NHSL1: variants seen among roughly 807,000 people sequenced by gnomAD.
The protein encoded by NHSL1 is NHS-like protein 1.
NHSL1 carries 48 observed loss-of-function variants against 95.0 expected under a neutral mutation model. The ratio of observed to expected loss-of-function variants is 0.51; its 90% confidence interval spans 0.40 to 0.64. The LOEUF is 0.64. Among genes scored for constraint, NHSL1 ranks in the 30% least tolerant of loss-of-function variants. The pLI is 0.00. For synonymous variants in NHSL1, 783 were observed against 833.9 expected (o/e 0.94, Z 1.05); for missense variants, 1,971 against 2,077.7 (o/e 0.95, Z 1.00).
At chr6:138,677,762 C>T (rs758412510) in intron 1 of NHSL1, among the ~76,000 whole-genome samples, 1 of 152,154 alleles carries the variant, frequency 6.6e-6, no homozygotes, top group African/African-American at 2.4e-5. Context: ...CAAACTGCTG[C>T]GTGTGTTAGA....
chr6:138,473,193 A>C, intron 3 of NHSL1, 113 bp downstream of exon 3: 1 of 941,146 alleles, frequency 1.1e-6, no homozygotes, highest in Non-Finnish European at 1.4e-6. Flanking sequence ...CACTTGAGAC[A>C]ATACTATTGA....
chr6:138,549,973 C>T (rs1782938786), upstream of NHSL1, among the ~76,000 whole-genome samples: 1 of 152,174 alleles, frequency 6.6e-6, no homozygotes, highest in South Asian at 2.1e-4. Context: ...GGCACAGTGG[C>T]TCATGCCTAT....
chr6:138,605,957 CACTTA>C (rs1254609905), intron 1 of NHSL1, among the ~76,000 whole-genome samples: 1 of 152,208 alleles, frequency 6.6e-6, no homozygotes, highest in African/African-American at 2.4e-5. Context: ...TTGAACAGCT[CACTTA>C]ACTTCTCTGA....
chr6:138,437,827 T>C (rs1279918375), intron 5 of NHSL1, among the ~76,000 whole-genome samples: 1 of 152,276 alleles, frequency 6.6e-6, no homozygotes, highest in Non-Finnish European at 1.5e-5. Context: ...CCAGATGTGG[T>C]AGAAACAGCA....
exon 1 of NHSL1, chr6:138,545,655 G>T: frequency 7.8e-7 from 1 of 1,289,322 alleles, no homozygotes; most frequent in Non-Finnish European, 1.0e-6. Flanking sequence ...GCAGTTCCAT[G>T]GAGGGGCTGT....
Position 138,432,326 on chromosome 6 carries a change from C to T in NHSL1, c.2019G>A (p.Leu673=), listed in dbSNP as rs1455975659. ...GGAGGGAGTCTGTCCGGGAGGGTGG[C>T]AGGGGAGGCTTCTTTGCTTTCTTCA... is the stretch of plus-strand genomic sequence containing the variant. ...ISLKKAKKPP[L]PPSRTDSLRR... The change falls in exon 6 of 8, where the codon CTG becomes CTA. Residue 673 remains leucine, a synonymous_variant. Coordinates refer to ENST00000343505, the MANE Select transcript of NHSL1 (RefSeq NM_001144060.2). This position sits in a 1 kb window ranked among gnomAD's most constrained non-coding sequence, Gnocchi z 4.4. The T allele has an allele frequency of 3.9e-6, 6 of 1,551,580 alleles. No homozygotes were observed. The highest frequency in any genetic ancestry group is 5.2e-6 in the Non-Finnish European group (6 of 1,147,006).
At chr6:138,682,460 C>T (rs1370276458) in intron 1 of NHSL1, among the ~76,000 whole-genome samples, 1 of 152,048 alleles carries the variant, frequency 6.6e-6, no homozygotes, top group Non-Finnish European at 1.5e-5. Flanking sequence ...TTTAAATTGG[C>T]GATTTGGAAT....
At chr6:138,545,695 T>C in exon 1 of NHSL1, 2 of 1,286,148 alleles carry the variant, frequency 1.6e-6, no homozygotes, top group Middle Eastern at 2.1e-4. Context: ...CCTGCAGTGC[T>C]AGGCACAGCT....
At chr6:138,449,630 T>C (rs1487617767) in intron 3 of NHSL1, among the ~76,000 whole-genome samples, 4 of 152,002 alleles carry the variant, frequency 2.6e-5, no homozygotes, top group African/African-American at 9.7e-5. Flanking sequence ...TGAGCTGAGG[T>C]TGCGCCACTG....
rs59461892 is a variant in NHSL1 at position 138,458,828 on chromosome 6, CAA to C, written c.340-11637_340-11636del. Reference sequence around the variant, plus strand: ...CAACAGAGTACGTGAAAATCTGTCTCAAAAAAAAAAAAACAAAAAAAAAAACC... The same window carrying C: ...CAACAGAGTACGTGAAAATCTGTCTCAAAAAAAAAAACAAAAAAAAAAACC... On this transcript the variant is annotated intron_variant, in intron 3 of 7. Transcript: ENST00000343505. Among the ~76,000 whole-genome samples, 590 of 124,210 alleles carry C rather than the reference CAA, an allele frequency of 4.8e-3. 7 individuals are homozygous for C. The highest frequency in any genetic ancestry group is 0.016 in the African/African-American group (540 of 34,782). The allele number at this position is 124,210 out of a possible 152,430, so 81.5% of individuals were successfully genotyped here. A position where few individuals can be genotyped will look rare whatever the true frequency, so the allele number is the denominator to read the frequency against.
At chr6:138,504,435 G>A (rs1780853095), upstream of NHSL1, among the ~76,000 whole-genome samples, 1 of 152,168 alleles carries the variant, frequency 6.6e-6, no homozygotes, top group Non-Finnish European at 1.5e-5. Flanking sequence ...AAGTTCCTAG[G>A]TAAAATGATA....
intron 3 of NHSL1, among the ~76,000 whole-genome samples, chr6:138,466,141 G>A (rs1461715022): frequency 6.6e-6 from 1 of 150,802 alleles, no homozygotes; most frequent in Admixed American, 6.7e-5. Flanking sequence ...CCGGGTTCAC[G>A]CCATCCTCCT....
intron 2 of NHSL1, among the ~76,000 whole-genome samples, chr6:138,484,533 C>T (rs1779609754): frequency 1.3e-5 from 2 of 152,146 alleles, no homozygotes; most frequent in Admixed American, 1.3e-4. Context: ...ATCGGCTCAA[C>T]AGTCAAACTG....
At chr6:138,636,119 T>C (rs1317774671) in intron 1 of NHSL1, among the ~76,000 whole-genome samples, 1 of 127,276 alleles carries the variant, frequency 7.9e-6, no homozygotes, top group Non-Finnish European at 1.7e-5. Flanking sequence ...TGAGACTCTG[T>C]CTCAAAAAAA....
chr6:138,553,940 T>C (rs1372017959), intron 1 of NHSL1, among the ~76,000 whole-genome samples: 1 of 152,116 alleles, frequency 6.6e-6, no homozygotes, highest in Non-Finnish European at 1.5e-5. Flanking sequence ...ATTTGAAGGA[T>C]GATGGAAGTG....
chr6:138,566,889 A>G (rs1174989602), intron 1 of NHSL1, among the ~76,000 whole-genome samples: 3 of 152,164 alleles, frequency 2.0e-5, no homozygotes, highest in Non-Finnish European at 4.4e-5. Context: ...GTAGGAAGTA[A>G]GAGCAAAACC....
chr6:138,626,875 C>T lies in NHSL1; in HGVS notation c.96+65601G>A, dbSNP rs1039059929. Among the ~76,000 whole-genome samples the T allele has an allele frequency of 7.1e-5, 7 of 98,890 alleles. 2 individuals are homozygous for T. The East Asian group carries it at 2.4e-3, about 34-fold the overall frequency. The allele number at this position is 98,890 out of a possible 152,430, so 64.9% of individuals were successfully genotyped here. A position where few individuals can be genotyped will look rare whatever the true frequency, so the allele number is the denominator to read the frequency against. Reference sequence around the variant, plus strand: ...CGCCACTGCACTCCAGCCTGGGCGACAGAGCGAGACTCCGTCTCAAAAAAA... The same window carrying T: ...CGCCACTGCACTCCAGCCTGGGCGATAGAGCGAGACTCCGTCTCAAAAAAA... On this transcript the variant is annotated intron_variant, in intron 1 of 3. Coordinates refer to the NHSL1 transcript ENST00000491526.
chr6:138,496,947 T>C (rs1221811338), intron 1 of NHSL1, among the ~76,000 whole-genome samples: 1 of 152,238 alleles, frequency 6.6e-6, no homozygotes, highest in Non-Finnish European at 1.5e-5. Flanking sequence ...GGAGACCCAT[T>C]TGTGTTACAA....
At chr6:138,448,854 A>AC (rs1265329984) in intron 3 of NHSL1, among the ~76,000 whole-genome samples, 1 of 152,048 alleles carries the variant, frequency 6.6e-6, no homozygotes, top group Non-Finnish European at 1.5e-5. Context: ...GGAGCTTGAG[A>AC]CCAGCCTGAG....
Sources: allele counts gnomAD v4.1 joint callset (sites outside exome capture counted in the v4.1 genomes callset), GRCh38; gene constraint gnomAD v4.1.1; non-coding constraint Gnocchi (gnomAD v3.1); transcripts MANE v1.5; gene names NCBI Gene and HGNC (gene_info 2026-07-23, HGNC 2026-07-21).